Variants in MYT1L observed in about 807,000 individuals in gnomAD.
The protein encoded by MYT1L is myelin transcription factor 1-like protein.
In MYT1L, 12 loss-of-function variants were observed where a neutral mutation model predicts 126.7. The ratio of observed to expected loss-of-function variants is 0.09; its 90% confidence interval spans 0.06 to 0.15. The LOEUF (loss-of-function observed/expected upper bound fraction) is 0.15, where lower values mean the gene tolerates loss of function less well. MYT1L is among the 10% of genes least tolerant of loss of function. MYT1L has a pLI of 1.00. For synonymous variants in MYT1L, 541 were observed against 604.2 expected (o/e 0.90, Z 1.53); for missense variants, 979 against 1,585.2 (o/e 0.62, Z 6.49).
intron 3 of MYT1L, among the ~76,000 whole-genome samples, chr2:2,150,545 A>G (rs2148297543): frequency 6.6e-6 from 1 of 152,256 alleles, no homozygotes. Context: ...TCTCTTTCCA[A>G]CTAAGACCAA....
chr2:2,221,427 T>G (rs988269495), intron 2 of MYT1L, among the ~76,000 whole-genome samples: 1 of 152,172 alleles, frequency 6.6e-6, no homozygotes, highest in East Asian at 1.9e-4. Context: ...GGGCACAGAA[T>G]GCATCTGAGG....
chr2:1,855,402 C>CTGCAT (rs1324432569), intron 18 of MYT1L, among the ~76,000 whole-genome samples: 1 of 152,222 alleles, frequency 6.6e-6, no homozygotes, highest in Non-Finnish European at 1.5e-5. Flanking sequence ...GCAGCCTGTG[C>CTGCAT]TGCACAGCTT....
intron 3 of MYT1L, among the ~76,000 whole-genome samples, chr2:2,156,367 G>A (rs2086729998): frequency 6.6e-6 from 1 of 152,182 alleles, no homozygotes. Context: ...CAATAACACA[G>A]GTTGCAGCCC....
chr2:2,155,053 G>C (rs1437971149), intron 3 of MYT1L, among the ~76,000 whole-genome samples: 1 of 152,192 alleles, frequency 6.6e-6, no homozygotes, highest in Non-Finnish European at 1.5e-5. Flanking sequence ...CTTGAACCTG[G>C]GAGGCAGAGG....
chr2:2,003,372 T>A (rs2062601899), intron 4 of MYT1L, among the ~76,000 whole-genome samples: 1 of 152,106 alleles, frequency 6.6e-6, no homozygotes, highest in Non-Finnish European at 1.5e-5. Flanking sequence ...CCTGTGACAG[T>A]GAATAGTAAC....
intron 1 of MYT1L, chr2:2,325,275 A>T (rs1421988091): frequency 6.6e-6 from 1 of 152,206 alleles, no homozygotes; most frequent in East Asian, 1.9e-4. Flanking sequence ...GTGACACAAG[A>T]GTTAACTCTA....
At chr2:1,905,666 T>G (rs1282624998) in intron 13 of MYT1L, among the ~76,000 whole-genome samples, 1 of 152,174 alleles carries the variant, frequency 6.6e-6, no homozygotes, top group Non-Finnish European at 1.5e-5. Flanking sequence ...AGACAGTAAT[T>G]TTTGAGTAAG....
chr2:2,045,983 G>C (rs889303225), intron 4 of MYT1L, among the ~76,000 whole-genome samples: 6 of 152,162 alleles, frequency 3.9e-5, no homozygotes, highest in African/African-American at 1.2e-4. Flanking sequence ...GTCGTCTTCT[G>C]TATCTTTGGG....
At chr2:1,976,132 A>T (rs1370401012) in intron 8 of MYT1L, among the ~76,000 whole-genome samples, 1 of 151,814 alleles carries the variant, frequency 6.6e-6, no homozygotes, top group African/African-American at 2.4e-5. Context: ...AAAAAAAAAA[A>T]AAAAAAGACA....
At chr2:1,812,444 G>A (rs2036813988) in intron 21 of MYT1L, among the ~76,000 whole-genome samples, 1 of 152,212 alleles carries the variant, frequency 6.6e-6, no homozygotes, top group Non-Finnish European at 1.5e-5. Flanking sequence ...ACTTCTGAAA[G>A]CATAAAATGT....
chr2:1,850,774 GTCCGTCTGGCCAGAAA>G (rs1214586142), intron 19 of MYT1L, among the ~76,000 whole-genome samples: 2 of 152,094 alleles, frequency 1.3e-5, no homozygotes, highest in Non-Finnish European at 2.9e-5. Flanking sequence ...ATCCCATCAA[GTCCGTCTGGCCAGAAA>G]TCCCTTCTCC....
Position 2,048,191 on chromosome 2 carries a change from A to ACCACTTTAGC in MYT1L, c.-158+5777_-158+5786dup, listed in dbSNP as rs573018354. 3.5e-3 allele frequency among the ~76,000 whole-genome samples: 526 copies of ACCACTTTAGC among 152,268 alleles called. 4 individuals are homozygous for ACCACTTTAGC. Among genetic ancestry groups the ACCACTTTAGC allele is most frequent in the African/African-American group, 0.012 (508 of 41,548 alleles). ...ACCATTAGTACCAGTAATCTGAGGA[A>ACCACTTTAGC]CCACTTTAGCCCACTCCACGGTCTT... On this transcript the variant is annotated intron_variant, in intron 4 of 24. Coordinates refer to ENST00000647738, the MANE Select transcript of MYT1L (RefSeq NM_001303052.2).
intron 2 of MYT1L, among the ~76,000 whole-genome samples, chr2:2,186,275 C>T (rs1034421852): frequency 2.0e-5 from 3 of 150,642 alleles, no homozygotes; most frequent in Admixed American, 6.6e-5. Flanking sequence ...CCGAGTCCCG[C>T]GTTCCTTTCG....
At chr2:2,217,150 G>C (rs1213914925) in intron 2 of MYT1L, among the ~76,000 whole-genome samples, 1 of 152,062 alleles carries the variant, frequency 6.6e-6, no homozygotes, top group African/African-American at 2.4e-5. Context: ...AGAAATACTT[G>C]TCAACTCATT....
chr2:2,073,285 C>G (rs1344488997), intron 3 of MYT1L, among the ~76,000 whole-genome samples: 1 of 151,642 alleles, frequency 6.6e-6, no homozygotes, highest in East Asian at 1.9e-4. Context: ...CCCATCCCCC[C>G]ATCACTGCCT....
chr2:1,874,342 T>C lies in MYT1L; in HGVS notation c.2711+12197A>G, dbSNP rs977315545. Among the ~76,000 whole-genome samples, 28 of 135,632 alleles carry C rather than the reference T, an allele frequency of 2.1e-4. 1 individual carries two copies. Among genetic ancestry groups the C allele is most frequent in the African/African-American group, 8.8e-4 (27 of 30,564 alleles). 89.0% of individuals were successfully genotyped at this position (135,632 alleles called of 152,430 possible). A position where few individuals can be genotyped will look rare whatever the true frequency, so the allele number is the denominator to read the frequency against. Reference sequence around the variant, plus strand: ...CACCTGCTTTGTGAAGACAAGCTAATGTAACAGGGGGAAAAGTGCTGTGTT... The same window carrying C: ...CACCTGCTTTGTGAAGACAAGCTAACGTAACAGGGGGAAAAGTGCTGTGTT... On this transcript the variant is annotated intron_variant, in intron 18 of 24. Transcript: ENST00000647738.
intron 21 of MYT1L, among the ~76,000 whole-genome samples, chr2:1,838,608 G>A (rs1172017187): frequency 1.3e-5 from 2 of 152,286 alleles, no homozygotes; most frequent in East Asian, 1.9e-4. Context: ...CAGAGGGACC[G>A]ACTGCACAAT....
rs556967871 is a variant in MYT1L, at chr2:1,892,816, G to C, written c.2033-529C>G. Among the ~76,000 whole-genome samples, 4 of 152,332 alleles carry C rather than the reference G, an allele frequency of 2.6e-5. No homozygotes were observed. The East Asian group carries it at 7.7e-4, about 29-fold the overall frequency. ...TGTTCCTTTCAGCCAGAGGGGCCCC[G>C]GCAGCCACCTTCTGGGCCTGTGGGG... On this transcript the variant is annotated intron_variant, in intron 14 of 24. Coordinates refer to ENST00000647738, the MANE Select transcript of MYT1L (RefSeq NM_001303052.2).
rs553265427 is a variant in MYT1L at position 1,943,386 on chromosome 2, G to T, written c.153-52C>A. The T allele has an allele frequency of 2.5e-4, 365 of 1,471,220 alleles. 5 individuals carry two copies. In the South Asian group the frequency reaches 4.1e-3, roughly 17 times the overall value. 91.1% of individuals were successfully genotyped at this position (1,471,220 alleles called of 1,614,324 possible). ...GGAGAGAGAGAAAAAAAATATCTGT[G>T]TTACTGTCTTTTAAAATCAGACCAA... On this transcript the variant is annotated intron_variant, in intron 8 of 24. Transcript: ENST00000647738. This position sits in a 1 kb window ranked among gnomAD's most constrained non-coding sequence, Gnocchi z 4.4.
Sources: gnomAD v4.1 joint callset for allele counts (sites outside exome capture counted in the v4.1 genomes callset) on GRCh38, gnomAD v4.1.1 for gene constraint, Gnocchi (gnomAD v3.1) non-coding constraint, MANE v1.5 for transcripts, NCBI Gene and HGNC (gene_info 2026-07-23, HGNC 2026-07-21) for gene names.